DOCK4: variants seen among roughly 807,000 people sequenced by gnomAD.
DOCK4 encodes the protein dedicator of cytokinesis 4.
DOCK4 carries 97 observed loss-of-function variants against 268.1 expected under a neutral mutation model. That is an observed-to-expected ratio of 0.36 (90% CI 0.31 to 0.43). The LOEUF is 0.43. Among genes scored for constraint, DOCK4 ranks in the 20% least tolerant of loss-of-function variants. DOCK4 has a pLI of 1.00. For synonymous variants in DOCK4, 954 were observed against 887.2 expected (o/e 1.08, Z -1.34); for missense variants, 2,145 against 2,455.7 (o/e 0.87, Z 2.67).
chr7:112,121,343 T>C (rs1812707742), intron 1 of DOCK4, among the ~76,000 whole-genome samples: 1 of 152,170 alleles, frequency 6.6e-6, no homozygotes, highest in African/African-American at 2.4e-5. Flanking sequence ...TGCTATCCTG[T>C]TATTAGATTC....
chr7:111,984,216 C>A (rs1229183586), intron 7 of DOCK4, 90 bp downstream of exon 7: 18 of 1,161,056 alleles, frequency 1.6e-5, no homozygotes, highest in Non-Finnish European at 2.2e-5. Context: ...CTGGAACATC[C>A]TGTTCTTACA....
intron 35 of DOCK4, 71 bp from the exon 36 acceptor site, chr7:111,778,440 G>C: frequency 1.1e-6 from 1 of 931,926 alleles, no homozygotes; most frequent in Non-Finnish European, 1.7e-6. Flanking sequence ...CTTTTACTCT[G>C]CTAAAGTTCC....
intron 5 of DOCK4, among the ~76,000 whole-genome samples, chr7:111,991,427 C>A (rs1586588804): frequency 1.3e-5 from 2 of 151,908 alleles, no homozygotes; most frequent in Admixed American, 6.6e-5. Context: ...TGATTTAATG[C>A]TAAATGAAAA....
At chr7:111,991,961 C>CAAAAAAAAAAAAAAAAAAAAA (rs60667093) in intron 5 of DOCK4, among the ~76,000 whole-genome samples, 2 of 50,916 alleles carry the variant, frequency 3.9e-5, no homozygotes, top group African/African-American at 1.6e-4. Flanking sequence ...ACTCTGTCTC[C>CAAAAAAAAAAAAAAAAAAAAA]AAAAAAAAAA....
rs1343751564 is a variant in DOCK4 at position 111,728,474 on chromosome 7, G to A, written c.5728C>T (p.Pro1910Ser). ...GTCCGCTCGTAGACGCTGTACGGGG[G>A]CGGAGTCTTGCTCTCCTTGCGCACT... Reference protein sequence around the residue: ...EPVRKESKTPPPYSVYERTLR... With the variant: ...EPVRKESKTPSPYSVYERTLR... Residue 1910 changes from proline (P) to serine (S), a missense_variant, in exon 53 of 53, where the codon CCC becomes TCC. Physicochemically the swap from Pro to Ser is moderately conservative, Grantham distance 74. Coordinates refer to ENST00000428084, the MANE Select transcript of DOCK4 (RefSeq NM_001363540.2). 7 of 1,611,876 alleles carry A rather than the reference G, an allele frequency of 4.3e-6. No individual in the cohort carries two copies. Among genetic ancestry groups the A allele is most frequent in the Non-Finnish European group, 5.9e-6 (7 of 1,179,172 alleles).
chr7:111,805,444 T>C (rs546151156), intron 30 of DOCK4, among the ~76,000 whole-genome samples: 2 of 152,358 alleles, frequency 1.3e-5, no homozygotes, highest in Admixed American at 6.5e-5. Context: ...CAAGTTGTTA[T>C]GTAATTTTAG....
chr7:111,900,374 TG>T lies in DOCK4; in HGVS notation c.1479del (p.Thr494GlnfsTer17). On this transcript the variant is annotated frameshift_variant and splice_region_variant, in exon 15 of 53. Transcript: ENST00000428084. LOFTEE classifies it high-confidence loss of function. ...GTAGCCAATGCCACCAAACACTTAC[TG>T]GAACAATGCCGAAACTCGAAGCGGA... is the stretch of plus-strand genomic sequence containing the variant. ...AHIRFEFRHC[S>X]TKEKGEKKLF... The T allele has an allele frequency of 6.2e-7, 1 of 1,612,488 alleles. No homozygotes were observed. Among genetic ancestry groups the T allele is most frequent in the Non-Finnish European group, 8.5e-7 (1 of 1,179,300 alleles).
At chr7:111,878,429 C>T (rs1807096548) in intron 16 of DOCK4, among the ~76,000 whole-genome samples, 1 of 152,156 alleles carries the variant, frequency 6.6e-6, no homozygotes, top group African/African-American at 2.4e-5. Flanking sequence ...CCTGCGCCAA[C>T]CCCAGAACAC....
At chr7:111,838,264 A>G in intron 25 of DOCK4, among the ~76,000 whole-genome samples, 1 of 152,148 alleles carries the variant, frequency 6.6e-6, no homozygotes, top group East Asian at 1.9e-4. Flanking sequence ...CAACTTTGAA[A>G]AAGAAAAGTA....
At chr7:111,902,145 C>T (rs1220717836) in intron 13 of DOCK4, among the ~76,000 whole-genome samples, 1 of 152,096 alleles carries the variant, frequency 6.6e-6, no homozygotes, top group Non-Finnish European at 1.5e-5. Flanking sequence ...GCAGGGGTGG[C>T]TCAGAGAAAC....
chr7:112,116,919 T>G (rs1048343423), intron 1 of DOCK4, among the ~76,000 whole-genome samples: 1 of 152,162 alleles, frequency 6.6e-6, no homozygotes, highest in African/African-American at 2.4e-5. Flanking sequence ...CTAATGCTTG[T>G]TTTGAAAATA....
chr7:111,989,157 C>T lies in DOCK4; in HGVS notation c.322G>A (p.Glu108Lys). Reference sequence around the variant, plus strand: ...CACAGCCGGTGGAAGAGATCGCCTTCATTACGCTAAGAAATATACAAATGT... The same window carrying T: ...CACAGCCGGTGGAAGAGATCGCCTTTATTACGCTAAGAAATATACAAATGT... ...TMWKQLYVRN[E>K]GDLFHRLWHI... is the part of the protein sequence containing the mutation. The change falls in exon 6 of 53, where the codon GAA (glutamate) becomes AAA (lysine). Residue 108 changes from glutamate (E) to lysine (K), a missense_variant. Physicochemically the swap from Glu to Lys is moderately conservative, Grantham distance 56. Around this residue, in one of 2 missense-constraint regions of DOCK4, gnomAD observed 1,598 missense variants for 1,986.7 expected, o/e 0.80. Transcript: ENST00000428084. 6.2e-7 allele frequency: 1 copy of T among 1,613,962 alleles called. No individual in the cohort carries two copies. The highest frequency in any genetic ancestry group is 8.5e-7 in the Non-Finnish European group (1 of 1,179,872).
At chr7:111,831,838 A>G (rs1802834572) in intron 26 of DOCK4, among the ~76,000 whole-genome samples, 1 of 152,144 alleles carries the variant, frequency 6.6e-6, no homozygotes, top group Non-Finnish European at 1.5e-5. Flanking sequence ...CCCTCAAATG[A>G]GATCTTATCT....
At chr7:112,181,376 G>A (rs1244527823) in intron 1 of DOCK4, among the ~76,000 whole-genome samples, 1 of 152,096 alleles carries the variant, frequency 6.6e-6, no homozygotes, top group Non-Finnish European at 1.5e-5. Context: ...TACTGGGGCT[G>A]GGTCCAGAGG....
At chr7:111,796,473 C>T (rs979340188) in intron 30 of DOCK4, among the ~76,000 whole-genome samples, 2 of 152,208 alleles carry the variant, frequency 1.3e-5, no homozygotes, top group Non-Finnish European at 2.9e-5. Flanking sequence ...GAAAGTTCTG[C>T]CTTCAGCAGT....
At chr7:111,945,676 C>A (rs1486476956) in intron 9 of DOCK4, 41 bp downstream of exon 9, 2 of 1,473,366 alleles carry the variant, frequency 1.4e-6, no homozygotes, top group Admixed American at 2.0e-5. Flanking sequence ...TGAATCATAA[C>A]TGGATGAATC....
rs1233217881 is a variant in DOCK4, at chr7:111,788,912, G to T, written c.3316-165C>A. 10 of 659,730 alleles carry T rather than the reference G, an allele frequency of 1.5e-5. 1 individual carries two copies. The Admixed American group carries it at 1.7e-4, about 11-fold the overall frequency. The allele number at this position is 659,730 out of a possible 1,614,324, so 40.9% of individuals were successfully genotyped here. ...CAGGCAACCCTTTGGAATTCTAAGG[G>T]ACTAATCTAGATAGAGTTACATGAC... On this transcript the variant is annotated intron_variant, in intron 31 of 52. Transcript: ENST00000428084.
chr7:111,822,285 A>G, intron 27 of DOCK4, 77 bp downstream of exon 27: 1 of 1,282,104 alleles, frequency 7.8e-7, no homozygotes, highest in Non-Finnish European at 1.1e-6. Flanking sequence ...ACTTGAGATC[A>G]AATGAAAAAG....
chr7:112,081,431 AG>A lies in DOCK4; in HGVS notation c.38-77301del, dbSNP rs147551026. On this transcript the variant is annotated intron_variant, in intron 1 of 52. Coordinates refer to ENST00000428084, the MANE Select transcript of DOCK4 (RefSeq NM_001363540.2). ...TTCATCCCAGACTCAGGGTGAGGAC[AG>A]AGTCCTTGAGGGAAGCCTGACACGA... Among the ~76,000 whole-genome samples, 374 of 152,280 alleles carry A rather than the reference AG, an allele frequency of 2.5e-3. 1 individual carries two copies. Among genetic ancestry groups the A allele is most frequent in the Admixed American group, 3.5e-3 (53 of 15,282 alleles).
Sources: gnomAD v4.1 joint callset for allele counts (sites outside exome capture counted in the v4.1 genomes callset) on GRCh38, gnomAD v4.1.1 for gene constraint, gnomAD v4.1.1 regional missense constraint, MANE v1.5 for transcripts, NCBI Gene and HGNC (gene_info 2026-07-23, HGNC 2026-07-21) for gene names.